TK2: variants seen among roughly 807,000 people sequenced by gnomAD.
TK2 encodes the protein thymidine kinase 2.
TK2 carries 35 observed loss-of-function variants against 41.9 expected under a neutral mutation model. That is an observed-to-expected ratio of 0.84 (90% CI 0.64 to 1.11). The LOEUF (loss-of-function observed/expected upper bound fraction) is 1.11. Ranked by LOEUF, TK2 falls within the 50% of genes least tolerant of loss-of-function variation. TK2 has a pLI of 0.00. For synonymous variants in TK2, 128 were observed against 129.1 expected, an observed-to-expected ratio of 0.99 and a Z score of 0.06; for missense variants, 320 against 351.1, an observed-to-expected ratio of 0.91 and a Z score of 0.71.
chr16:66,531,414 T>G lies in TK2; in HGVS notation c.341A>C (p.Gln114Pro). 1 of 1,614,202 alleles carries G rather than the reference T, an allele frequency of 6.2e-7. No individual in the cohort carries two copies. The highest frequency in any genetic ancestry group is 8.5e-7 in the Non-Finnish European group (1 of 1,180,040). The change falls in exon 5 of 10, where the codon CAG becomes CCG. Residue 114 changes from glutamine (Q) to proline (P), a missense_variant. By Grantham distance (76) the Gln-to-Pro change is moderately conservative (BLOSUM62 -1). Coordinates refer to ENST00000544898, the MANE Select transcript of TK2 (RefSeq NM_004614.5). ...RWGLTLQTYV[Q>P]LTMLDRHTRP... ...AGTATGCCTGTCCAGCATGGTGAGC[T>G]GCACATAAGTCTGTAGCGTAAGACC...
In TK2 at chr16:66,514,332, G is replaced by A. The variant is rs1303577406; in HGVS notation, c.619-521C>T. Among the ~76,000 whole-genome samples, 1 of 152,250 alleles carries A rather than the reference G, an allele frequency of 6.6e-6. No homozygotes were observed. The highest frequency in any genetic ancestry group is 6.5e-5 in the Admixed American group (1 of 15,288). ...GACGGGGTTTCGCTGTGTTGGCCGG[G>A]CTGGTCTCCAGCTCCTAACCGCGAG... On this transcript the variant is annotated intron_variant, in intron 8 of 9. Coordinates refer to ENST00000544898, the MANE Select transcript of TK2 (RefSeq NM_004614.5). The surrounding 1 kb of genome is among the most constrained non-coding windows in gnomAD (Gnocchi z 4.2).
In TK2 at chr16:66,510,539, C is replaced by G. The variant is rs983437078; in HGVS notation, c.*1429G>C. 5 of 152,300 alleles carry G rather than the reference C, an allele frequency of 3.3e-5. No individual in the cohort carries two copies. The highest frequency in any genetic ancestry group is 1.2e-4 in the African/African-American group (5 of 41,476). 9.4% of individuals were successfully genotyped at this position (152,300 alleles called of 1,614,324 possible). A position where few individuals can be genotyped will look rare whatever the true frequency, so the allele number is the denominator to read the frequency against. ...GGACTGGCCCAGCAGGGGCACTTGG[C>G]ACCTCTGCAGAGTCGGAGCATTGCA... is the stretch of plus-strand genomic sequence containing the variant. On this transcript the variant is annotated 3_prime_UTR_variant, in exon 10 of 10. Transcript: ENST00000544898.
intron 8 of TK2, among the ~76,000 whole-genome samples, chr16:66,516,924 A>G (rs997438302): frequency 6.6e-6 from 1 of 152,062 alleles, no homozygotes; most frequent in African/African-American, 2.4e-5. Flanking sequence ...ACTGTGAGTC[A>G]GCGACCACAG....
At chr16:66,521,066 C>T (rs1246393411) in intron 6 of TK2, among the ~76,000 whole-genome samples, 4 of 152,194 alleles carry the variant, frequency 2.6e-5, no homozygotes, top group African/African-American at 4.8e-5. Context: ...GACTAGCCAC[C>T]GGAGTACCTC....
intron 4 of TK2, among the ~76,000 whole-genome samples, chr16:66,532,023 T>C (rs1375604719): frequency 6.6e-6 from 1 of 150,820 alleles, no homozygotes; most frequent in Admixed American, 6.7e-5. Context: ...GCTCAGTACC[T>C]AGGTGATGGG....
chr16:66,523,412 G>A (rs922095864), intron 6 of TK2, among the ~76,000 whole-genome samples: 1 of 152,186 alleles, frequency 6.6e-6, no homozygotes, highest in Non-Finnish European at 1.5e-5. Flanking sequence ...CTGCAGGTGG[G>A]AACCAAGACA....
At position 66,528,409 on chromosome 16, in the gene TK2, C is replaced by T. The variant is rs182285748; in HGVS notation, c.449+585G>A. Among the ~76,000 whole-genome samples the T allele has an allele frequency of 3.4e-4, 52 of 152,294 alleles. 1 individual carries two copies. In the East Asian group the frequency reaches 7.0e-3, roughly 20 times the overall value. ...GGGAAGCTTTTAGTGAAAAACACAACAAATGCGACGCACACTGTGCGTCTG... is the reference window on the plus strand; with the variant it reads ...GGGAAGCTTTTAGTGAAAAACACAATAAATGCGACGCACACTGTGCGTCTG... On this transcript the variant is annotated intron_variant, in intron 6 of 9. Transcript: ENST00000544898.
chr16:66,539,220 T>C (rs903422017), intron 3 of TK2, among the ~76,000 whole-genome samples: 2 of 152,150 alleles, frequency 1.3e-5, no homozygotes, highest in Admixed American at 6.5e-5. Context: ...CTCCCCAGGT[T>C]TGATGATTCA....
intron 2 of TK2, among the ~76,000 whole-genome samples, chr16:66,544,147 A>G (rs1350567526): frequency 6.6e-6 from 1 of 152,124 alleles, no homozygotes. Context: ...AATCCTGAAG[A>G]GCTGGTGAAT....
At position 66,508,534 on chromosome 16, in the gene TK2, T is replaced by C. The variant is rs1274454486; in HGVS notation, c.*3434A>G. The C allele has an allele frequency of 6.6e-6, 1 of 152,264 alleles. No individual in the cohort carries two copies. Among genetic ancestry groups the C allele is most frequent in the African/African-American group, 2.4e-5 (1 of 41,466 alleles). 9.4% of individuals were successfully genotyped at this position (152,264 alleles called of 1,614,324 possible). On this transcript the variant is annotated 3_prime_UTR_variant, in exon 10 of 10. Transcript: ENST00000544898. The stretch of plus-strand genomic sequence containing the variant: ...GGGCCAAGGAGATGGGTGTTCCTCA[T>C]TCCACACACATGTGAACACTTGAGG...
Position 66,550,066 on chromosome 16 carries a change from G to T in TK2, c.-5C>A, listed in dbSNP as rs1175537533. 18 of 1,588,700 alleles carry T rather than the reference G, an allele frequency of 1.1e-5. No individual in the cohort carries two copies. The highest frequency in any genetic ancestry group is 1.8e-5 in the Admixed American group (1 of 55,320). On this transcript the variant is annotated 5_prime_UTR_variant, in exon 1 of 10. Coordinates refer to ENST00000544898, the MANE Select transcript of TK2 (RefSeq NM_004614.5). ...CCGCAGCGGCCACAGCAGCATAGCC[G>T]GGCGAGCGGATCCAGAGGCCCGGGG...
chr16:66,541,791 T>G, intron 3 of TK2, 88 bp downstream of exon 3: 1 of 1,365,688 alleles, frequency 7.3e-7, no homozygotes, highest in East Asian at 2.3e-5. Context: ...CAAATTATAG[T>G]CCTATTGGAC....
chr16:66,532,129 C>CAAAAAAAAAAAAAAAAAAAAAAAAAAAAA, intron 4 of TK2, among the ~76,000 whole-genome samples: 1 of 75,582 alleles, frequency 1.3e-5, no homozygotes, highest in South Asian at 4.1e-4. Flanking sequence ...TTGAAATGAC[C>CAAAAAAAAAAAAAAAAAAAAAAAAAAAAA]AAAAAAAAAA....
rs1300818277 is a variant in TK2, at chr16:66,509,307, A to C, written c.*2661T>G. On this transcript the variant is annotated 3_prime_UTR_variant, in exon 10 of 10. Coordinates refer to ENST00000544898, the MANE Select transcript of TK2 (RefSeq NM_004614.5). ...GAGCCAAGAGGTGGACCCAAAAGAG[A>C]AAGGTGGGAAGAGCCTGGGACCCCG... The C allele has an allele frequency of 6.6e-6, 1 of 152,270 alleles. No homozygotes were observed. The highest frequency in any genetic ancestry group is 1.5e-5 in the Non-Finnish European group (1 of 68,174). The allele number at this position is 152,270 out of a possible 1,614,324, so 9.4% of individuals were successfully genotyped here. A position where few individuals can be genotyped will look rare whatever the true frequency, so the allele number is the denominator to read the frequency against.
chr16:66,544,154 G>A (rs1597108649), intron 2 of TK2, among the ~76,000 whole-genome samples: 1 of 152,282 alleles, frequency 6.6e-6, no homozygotes, highest in East Asian at 1.9e-4. Context: ...AAGAGCTGGT[G>A]AATGTCAGGC....
At chr16:66,546,275 T>C (rs1965604877) in intron 2 of TK2, among the ~76,000 whole-genome samples, 1 of 152,208 alleles carries the variant, frequency 6.6e-6, no homozygotes, top group African/African-American at 2.4e-5. Context: ...TAGATTGTAG[T>C]GGTGTTTACT....
At chr16:66,521,190 A>AAAACC (rs766925840) in intron 6 of TK2, among the ~76,000 whole-genome samples, 36 of 152,384 alleles carry the variant, frequency 2.4e-4, no homozygotes, top group Non-Finnish European at 4.6e-4. Flanking sequence ...AGTGTTAACT[A>AAAACC]AAACCAAACC....
At chr16:66,529,093 C>T (rs543594966) in intron 5 of TK2, 26 bp from the exon 6 acceptor site, 4 of 1,610,870 alleles carry the variant, frequency 2.5e-6, no homozygotes, top group Admixed American at 1.7e-5. Context: ...AAGAGAATCA[C>T]TAACTCAGGG....
Position 66,541,868 on chromosome 16 carries a change from A to T in TK2, c.231+11T>A. 1 of 1,614,094 alleles carries T rather than the reference A, an allele frequency of 6.2e-7. No homozygotes were observed. ...TCTCCGCTTCCTTCAAACCTAGCAT[A>T]GAGGCTGTACCTCGACGTCTGTCGC... On this transcript the variant is annotated intron_variant, in intron 3 of 9. Transcript: ENST00000544898.
Sources: allele counts gnomAD v4.1 joint callset (sites outside exome capture counted in the v4.1 genomes callset), GRCh38; gene constraint gnomAD v4.1.1; non-coding constraint Gnocchi (gnomAD v3.1); transcripts MANE v1.5; gene names NCBI Gene and HGNC (gene_info 2026-07-23, HGNC 2026-07-21).